Variants in GABRG3 observed in about 807,000 individuals in gnomAD.
The protein encoded by GABRG3 is gamma-aminobutyric acid type A receptor subunit gamma3.
In GABRG3, 25 loss-of-function variants were observed where a neutral mutation model predicts 48.8. The observed-to-expected ratio is 0.51, with a 90% CI of 0.37 to 0.72. The LOEUF (loss-of-function observed/expected upper bound fraction) is 0.72. Ranked by LOEUF, GABRG3 falls within the 30% of genes least tolerant of loss-of-function variation. The pLI is 0.00. For missense variants in GABRG3, 394 were observed against 577.9 expected, an observed-to-expected ratio of 0.68 and a Z score of 3.26; for synonymous variants, 227 against 217.6, an observed-to-expected ratio of 1.04 and a Z score of -0.38.
chr15:26,973,880 G>C (rs1185068404), intron 1 of GABRG3, among the ~76,000 whole-genome samples: 1 of 152,194 alleles, frequency 6.6e-6, no homozygotes, highest in Non-Finnish European at 1.5e-5. Context: ...GCTAATTTCA[G>C]TAATGGTGTT....
At chr15:27,392,427 T>A (rs1253397437) in intron 5 of GABRG3, among the ~76,000 whole-genome samples, 1 of 152,214 alleles carries the variant, frequency 6.6e-6, no homozygotes, top group Non-Finnish European at 1.5e-5. Context: ...ACAATGTTTT[T>A]ATTATCCATA....
rs1253686103 is a variant in GABRG3, at chr15:27,388,193, TAAGG to T, written c.574+59320_574+59323del. Among the ~76,000 whole-genome samples the T allele has an allele frequency of 2.9e-4, 6 of 20,522 alleles. 2 individuals are homozygous for T. The highest frequency in any genetic ancestry group is 3.4e-4 in the Non-Finnish European group (4 of 11,876). 13.5% of individuals were successfully genotyped at this position (20,522 alleles called of 152,430 possible). On this transcript the variant is annotated intron_variant, in intron 5 of 9. Coordinates refer to ENST00000615808, the MANE Select transcript of GABRG3 (RefSeq NM_033223.5). ...AAGGAAGGAAAGGAGGGAGGGAGGGTAAGGAAGGAAGGAAGGAAAGGAGGAAGGA... is the reference window on the plus strand; with the variant it reads ...AAGGAAGGAAAGGAGGGAGGGAGGGTAAGGAAGGAAGGAAAGGAGGAAGGA...
chr15:27,082,015 G>GT (rs1897000812), intron 3 of GABRG3, among the ~76,000 whole-genome samples: 2 of 152,288 alleles, frequency 1.3e-5, no homozygotes, highest in South Asian at 4.2e-4. Context: ...CCTGGTGAAT[G>GT]TTTAGTAGTG....
At chr15:27,271,336 C>T (rs890866011) in intron 3 of GABRG3, among the ~76,000 whole-genome samples, 4 of 152,226 alleles carry the variant, frequency 2.6e-5, no homozygotes, top group Non-Finnish European at 4.4e-5. Flanking sequence ...ACTGCCTCCG[C>T]GGGTGCCTCT....
At chr15:27,069,167 G>T (rs543725388) in intron 3 of GABRG3, among the ~76,000 whole-genome samples, 3 of 152,230 alleles carry the variant, frequency 2.0e-5, no homozygotes, top group African/African-American at 7.2e-5. Flanking sequence ...TTGAGACATG[G>T]GTCTGCTCAC....
At chr15:26,983,321 C>T (rs1895089326) in intron 2 of GABRG3, among the ~76,000 whole-genome samples, 1 of 152,104 alleles carries the variant, frequency 6.6e-6, no homozygotes, top group Admixed American at 6.5e-5. Flanking sequence ...ACCCCCGACC[C>T]TGGTACACCC....
At chr15:27,293,367 A>G (rs1187277725) in intron 3 of GABRG3, among the ~76,000 whole-genome samples, 1 of 152,186 alleles carries the variant, frequency 6.6e-6, no homozygotes, top group Non-Finnish European at 1.5e-5. Flanking sequence ...GCTGGGGGGA[A>G]TGCAGAGAGA....
chr15:27,438,884 T>C (rs1345989178), intron 5 of GABRG3, among the ~76,000 whole-genome samples: 1 of 152,116 alleles, frequency 6.6e-6, no homozygotes, highest in African/African-American at 2.4e-5. Context: ...AGGAGCCAGG[T>C]GTCTGTTGTC....
chr15:27,105,943 C>CT (rs1897442110), intron 3 of GABRG3, among the ~76,000 whole-genome samples: 1 of 152,002 alleles, frequency 6.6e-6, no homozygotes, highest in Non-Finnish European at 1.5e-5. Flanking sequence ...ATTATTCAGA[C>CT]TTTAAAAAAG....
intron 3 of GABRG3, among the ~76,000 whole-genome samples, chr15:27,082,918 G>A (rs544543644): frequency 6.6e-5 from 10 of 152,252 alleles, no homozygotes; most frequent in African/African-American, 2.4e-4. Context: ...GAGCCTCCCC[G>A]AACTCCCTGC....
chr15:27,390,800 A>G (rs1288900263), intron 5 of GABRG3, among the ~76,000 whole-genome samples: 2 of 152,216 alleles, frequency 1.3e-5, no homozygotes, highest in African/African-American at 4.8e-5. Context: ...ATAAAAAGAC[A>G]TAATCAGGCC....
chr15:27,275,282 T>C (rs1475485042), intron 3 of GABRG3, among the ~76,000 whole-genome samples: 1 of 152,220 alleles, frequency 6.6e-6, no homozygotes, highest in East Asian at 1.9e-4. Flanking sequence ...TAAGTATCAT[T>C]GTTTAAAATT....
intron 5 of GABRG3, among the ~76,000 whole-genome samples, chr15:27,357,080 T>C (rs1296270206): frequency 1.3e-5 from 2 of 152,188 alleles, no homozygotes; most frequent in Non-Finnish European, 2.9e-5. Flanking sequence ...TTTAGACTTC[T>C]AAAAGGGGAC....
At chr15:27,371,293 G>A (rs931956962) in intron 5 of GABRG3, among the ~76,000 whole-genome samples, 6 of 150,044 alleles carry the variant, frequency 4.0e-5, no homozygotes, top group African/African-American at 1.5e-4. Flanking sequence ...TTTTTTTTCT[G>A]AATTGTATGT....
intron 5 of GABRG3, among the ~76,000 whole-genome samples, chr15:27,409,867 G>T (rs564738957): frequency 2.0e-5 from 3 of 152,234 alleles, no homozygotes; most frequent in Non-Finnish European, 4.4e-5. Context: ...AATTTTGTAT[G>T]TAGACAATTA....
intron 3 of GABRG3, among the ~76,000 whole-genome samples, chr15:27,265,505 G>A (rs1446872963): frequency 6.6e-6 from 1 of 152,190 alleles, no homozygotes; most frequent in African/African-American, 2.4e-5. Context: ...CTGAGATACA[G>A]CAATAGAGAC....
intron 3 of GABRG3, among the ~76,000 whole-genome samples, chr15:27,242,191 A>G (rs1890146710): frequency 2.0e-5 from 3 of 152,200 alleles, no homozygotes; most frequent in African/African-American, 7.2e-5. Context: ...ACAGTAAGCA[A>G]TCTTTTTAGC....
chr15:27,297,560 G>A (rs1195499573), intron 3 of GABRG3, among the ~76,000 whole-genome samples: 2 of 149,352 alleles, frequency 1.3e-5, no homozygotes, highest in African/African-American at 4.8e-5. Flanking sequence ...AACATGCAAT[G>A]CAAGTTTGTA....
At chr15:27,035,680 C>A (rs546754702) in intron 3 of GABRG3, among the ~76,000 whole-genome samples, 6 of 152,314 alleles carry the variant, frequency 3.9e-5, no homozygotes, top group African/African-American at 1.4e-4. Flanking sequence ...AGACAGGGAG[C>A]CACGTGGAGC....
Sources: gnomAD v4.1 joint callset for allele counts (sites outside exome capture counted in the v4.1 genomes callset) on GRCh38, gnomAD v4.1.1 for gene constraint, MANE v1.5 for transcripts, NCBI Gene and HGNC (gene_info 2026-07-23, HGNC 2026-07-21) for gene names.